Variants in MLKL observed in about 807,000 individuals in gnomAD.
MLKL encodes the protein mixed lineage kinase domain like pseudokinase.
MLKL carries 55 observed loss-of-function variants against 56.5 expected under a neutral mutation model. The ratio of observed to expected loss-of-function variants is 0.97; its 90% CI spans 0.78 to 1.22. The LOEUF (loss-of-function observed/expected upper bound fraction) is 1.22, where lower values mean the gene tolerates loss of function less well. Ranked by LOEUF, MLKL falls within the 50% of genes most tolerant of loss-of-function variation. The pLI, the probability that MLKL is intolerant of heterozygous loss-of-function variation, is 0.00. For synonymous variants in MLKL, 251 were observed against 208.3 expected (o/e 1.20, Z -1.76); for missense variants, 694 against 573.9 (o/e 1.21, Z -2.14).
At chr16:74,686,081 AC>A (rs1265062735) in intron 4 of MLKL, among the ~76,000 whole-genome samples, 3 of 151,630 alleles carry the variant, frequency 2.0e-5, no homozygotes, top group Admixed American at 6.6e-5. Flanking sequence ...TGCCTCAGCC[AC>A]CTGAGTAGCT....
At chr16:74,691,484 A>T in intron 3 of MLKL, 21 bp from the exon 4 acceptor site, 1 of 1,597,880 alleles carries the variant, frequency 6.3e-7, no homozygotes, top group Non-Finnish European at 8.5e-7. Flanking sequence ...CCCCGAGAGG[A>T]AAGAAGACAA....
chr16:74,678,421 T>C (rs1959738298), intron 7 of MLKL: 1 of 169,130 alleles, frequency 5.9e-6, no homozygotes, highest in African/African-American at 2.4e-5. Context: ...TGGAGACTGT[T>C]GTGTGGTGGG....
In MLKL at chr16:74,695,460, C is replaced by T. The variant is rs777730857; in HGVS notation, c.298G>A (p.Asp100Asn). Residue 100 changes from aspartate (D) to asparagine (N), a missense_variant, in exon 2 of 11, where the codon GAC (aspartate) becomes AAC (asparagine). Transcript: ENST00000308807. Reference sequence around the variant, plus strand: ...ACATCACTCAGCTTCCTGTTCACGTCCTTGAAGAGTATTTTGTCCTGGCTT... The same window carrying T: ...ACATCACTCAGCTTCCTGTTCACGTTCTTGAAGAGTATTTTGTCCTGGCTT... Reference protein sequence around the residue: ...TASQDKILFKDVNRKLSDVWK... With the variant: ...TASQDKILFKNVNRKLSDVWK... 6.2e-7 allele frequency: 1 copy of T among 1,614,102 alleles called. No individual in the cohort carries two copies. Among genetic ancestry groups the T allele is most frequent in the Admixed American group, 1.7e-5 (1 of 60,000 alleles).
In MLKL at chr16:74,682,643, C is replaced by T. The variant is rs199989488; in HGVS notation, c.956+8G>A. 1.7e-5 allele frequency: 27 copies of T among 1,613,574 alleles called. No individual in the cohort carries two copies. In the East Asian group the frequency reaches 1.8e-4, roughly 11 times the overall value. On this transcript the variant is annotated splice_region_variant and intron_variant, in intron 6 of 10. Coordinates refer to ENST00000308807, the MANE Select transcript of MLKL (RefSeq NM_152649.4). Reference sequence around the variant, plus strand: ...AACCCTTAGTGGCGCCTTTTCACCCCGTCTTACCGGTATAGGCCTCGGGCT... The same window carrying T: ...AACCCTTAGTGGCGCCTTTTCACCCTGTCTTACCGGTATAGGCCTCGGGCT...
chr16:74,698,922 G>A (rs771524685), intron 1 of MLKL, among the ~76,000 whole-genome samples: 10 of 152,070 alleles, frequency 6.6e-5, no homozygotes, highest in East Asian at 3.9e-4. Context: ...GAGATCGCCC[G>A]GCCAACATGG....
chr16:74,691,072 A>G (rs970108310), intron 4 of MLKL, among the ~76,000 whole-genome samples: 5 of 151,394 alleles, frequency 3.3e-5, no homozygotes, highest in Non-Finnish European at 7.4e-5. Flanking sequence ...TTTTAAATAT[A>G]TATGTGGACA....
At chr16:74,683,660 T>C (rs1960136898) in intron 5 of MLKL, among the ~76,000 whole-genome samples, 1 of 152,098 alleles carries the variant, frequency 6.6e-6, no homozygotes, top group South Asian at 2.1e-4. Context: ...CTTGGTATAA[T>C]TCAAAATTTT....
intron 5 of MLKL, among the ~76,000 whole-genome samples, chr16:74,684,505 G>C (rs975383580): frequency 8.1e-6 from 1 of 123,460 alleles, no homozygotes; most frequent in African/African-American, 3.0e-5. Flanking sequence ...TTTTTTTTTT[G>C]TTTGTTTGAG....
At position 74,672,379 on chromosome 16, in the gene MLKL, A is replaced by G. The variant is rs1159559173; in HGVS notation, c.*125T>C. ...TGGAATCGTTTTCTATTTGTAACAG[A>G]GAAGCGTGCCCACTCCTTGCACCCA... is the stretch of plus-strand genomic sequence containing the variant. On this transcript the variant is annotated 3_prime_UTR_variant, in exon 11 of 11. Transcript: ENST00000308807. 2.5e-6 allele frequency: 2 copies of G among 808,800 alleles called. No homozygotes were observed. The highest frequency in any genetic ancestry group is 3.4e-5 in the African/African-American group (2 of 58,288). 50.1% of individuals were successfully genotyped at this position (808,800 alleles called of 1,614,324 possible). A position where few individuals can be genotyped will look rare whatever the true frequency, so the allele number is the denominator to read the frequency against.
In MLKL at chr16:74,678,672, AC is replaced by A. The variant is rs200122193; in HGVS notation, c.1038+226del. ...GTGGTGCATGGCTGTAATCCCAGCT[AC>A]TTGGGAGGCTGAGGCAGGAGAATCG... is the stretch of plus-strand genomic sequence containing the variant. On this transcript the variant is annotated intron_variant, in intron 7 of 10. Transcript: ENST00000308807. Among the ~76,000 whole-genome samples, 1,466 of 152,314 alleles carry A rather than the reference AC, an allele frequency of 9.6e-3. 22 individuals are homozygous for A. Among genetic ancestry groups the A allele is most frequent in the African/African-American group, 0.034 (1,396 of 41,580 alleles).
chr16:74,698,688 A>G (rs1265088127), intron 1 of MLKL, among the ~76,000 whole-genome samples: 1 of 152,258 alleles, frequency 6.6e-6, no homozygotes, highest in African/African-American at 2.4e-5. Flanking sequence ...AGCTCCAGTT[A>G]TCTTACCAGC....
rs768469035 is a variant in MLKL, at chr16:74,691,306, T to C, written c.693A>G (p.Val231=). 1.8e-5 allele frequency: 29 copies of C among 1,610,760 alleles called. No homozygotes were observed. The highest frequency in any genetic ancestry group is 2.2e-5 in the South Asian group (2 of 90,666). The change falls in exon 4 of 11, where the codon GTA becomes GTG. Residue 231 remains valine, a synonymous_variant. Coordinates refer to ENST00000308807, the MANE Select transcript of MLKL (RefSeq NM_152649.4). ...TGCTGCCAGCCTGGAGTTTTTTGAA[T>C]ACTTTTATGGCCACTGGAGCTCTGT... ...EYHRAPVAIK[V]FKKLQAGSIA... is the part of the protein sequence containing the mutation.
At chr16:74,697,975 G>A (rs1002006964) in intron 1 of MLKL, among the ~76,000 whole-genome samples, 1 of 152,172 alleles carries the variant, frequency 6.6e-6, no homozygotes, top group Non-Finnish European at 1.5e-5. Flanking sequence ...TGAGGCTGAG[G>A]CCAGGGGATC....
intron 1 of MLKL, among the ~76,000 whole-genome samples, chr16:74,699,426 A>G (rs1961244379): frequency 6.6e-6 from 1 of 152,216 alleles, no homozygotes; most frequent in Admixed American, 6.5e-5. Context: ...ACTGCAAAAT[A>G]TTGGGAAAAA....
rs758236487 is a variant in MLKL at position 74,691,469 on chromosome 16, C to T, written c.536-6G>A. ...CATGCATTTTGGTGGTAAATCTGAC[C>T]TCACCCCCGAGAGGAAAGAAGACAA... On this transcript the variant is annotated splice_polypyrimidine_tract_variant and splice_region_variant and intron_variant, in intron 3 of 10. Coordinates refer to ENST00000308807, the MANE Select transcript of MLKL (RefSeq NM_152649.4). 1.3e-5 allele frequency: 21 copies of T among 1,608,806 alleles called. No homozygotes were observed. The highest frequency in any genetic ancestry group is 4.0e-5 in the African/African-American group (3 of 74,232).
chr16:74,683,026 A>T (rs1052383434), intron 5 of MLKL, among the ~76,000 whole-genome samples: 1 of 151,970 alleles, frequency 6.6e-6, no homozygotes, highest in African/African-American at 2.4e-5. Context: ...TAAAAAAAAA[A>T]TTGGCTGGGT....
chr16:74,688,166 C>T (rs577534415), intron 4 of MLKL, among the ~76,000 whole-genome samples: 28 of 151,866 alleles, frequency 1.8e-4, no homozygotes, highest in East Asian at 1.4e-3. Flanking sequence ...GATGGGGTTT[C>T]GCCATGTTGG....
At chr16:74,697,053 A>G (rs568176824) in intron 1 of MLKL, among the ~76,000 whole-genome samples, 1 of 148,148 alleles carries the variant, frequency 6.8e-6, no homozygotes, top group Admixed American at 6.8e-5. Context: ...TTACATATAT[A>G]TTATATATAT....
intron 6 of MLKL, among the ~76,000 whole-genome samples, chr16:74,680,923 A>G (rs1185588604): frequency 1.3e-5 from 2 of 152,048 alleles, no homozygotes; most frequent in African/African-American, 2.4e-5. Flanking sequence ...ATTTAATTAC[A>G]TTGTTTTGGT....
Sources: allele counts gnomAD v4.1 joint callset (sites outside exome capture counted in the v4.1 genomes callset), GRCh38; gene constraint gnomAD v4.1.1; transcripts MANE v1.5; gene names NCBI Gene and HGNC (gene_info 2026-07-23, HGNC 2026-07-21).